Variants in KCNN2 observed in about 807,000 individuals in gnomAD.
KCNN2 encodes the protein small conductance calcium-activated potassium channel protein 2.
KCNN2 carries 24 observed loss-of-function variants against 55.5 expected under a neutral mutation model. The observed-to-expected ratio is 0.43, with a 90% CI of 0.31 to 0.61. The LOEUF (loss-of-function observed/expected upper bound fraction) is 0.61, where lower values mean the gene tolerates loss of function less well. KCNN2 is among the 20% of genes least tolerant of loss of function. The probability of loss-of-function intolerance (pLI) is 0.08; values close to 1 mark genes in which losing one functional copy is unlikely to be tolerated. For missense variants in KCNN2, 754 were observed against 853.6 expected, an observed-to-expected ratio of 0.88 and a Z score of 1.45; for synonymous variants, 431 against 336.1, an observed-to-expected ratio of 1.28 and a Z score of -3.09.
chr5:114,471,674 G>A (rs189210134), intron 4 of KCNN2, among the ~76,000 whole-genome samples: 1 of 152,208 alleles, frequency 6.6e-6, no homozygotes, highest in East Asian at 1.9e-4. Context: ...TAAATACTTG[G>A]CAACCTCTTT....
chr5:114,342,524 A>C (rs1164717588), intron 2 of KCNN2, among the ~76,000 whole-genome samples: 1 of 152,190 alleles, frequency 6.6e-6, no homozygotes, highest in Non-Finnish European at 1.5e-5. Context: ...TAGACTTTAG[A>C]TCACCAACAT....
intron 1 of KCNN2, among the ~76,000 whole-genome samples, chr5:114,166,063 A>G (rs933382363): frequency 6.6e-6 from 1 of 151,826 alleles, no homozygotes; most frequent in African/African-American, 2.4e-5. Context: ...TTTTTTTATT[A>G]TTATTTTTAG....
intron 2 of KCNN2, among the ~76,000 whole-genome samples, chr5:114,272,222 T>C (rs550615050): frequency 1.3e-5 from 2 of 152,140 alleles, no homozygotes; most frequent in South Asian, 2.1e-4. Flanking sequence ...TACACTTATC[T>C]ATGTGTGTAT....
At chr5:114,119,834 C>T (rs887695559) in intron 1 of KCNN2, among the ~76,000 whole-genome samples, 3 of 152,040 alleles carry the variant, frequency 2.0e-5, no homozygotes, top group Non-Finnish European at 4.4e-5. Context: ...TGACTATCTG[C>T]GTGGCTATGC....
intron 3 of KCNN2, among the ~76,000 whole-genome samples, chr5:114,460,958 T>C (rs571476758): frequency 1.5e-4 from 23 of 152,344 alleles, no homozygotes; most frequent in South Asian, 4.1e-4. Context: ...ATTCTTACGA[T>C]AGGGTAATGT....
At chr5:114,165,972 G>A (rs960722119) in intron 1 of KCNN2, among the ~76,000 whole-genome samples, 3 of 151,976 alleles carry the variant, frequency 2.0e-5, no homozygotes, top group Non-Finnish European at 2.9e-5. Context: ...GACTTTGCTA[G>A]TTGATAAGAA....
intron 4 of KCNN2, among the ~76,000 whole-genome samples, chr5:114,472,538 G>A (rs1342079077): frequency 2.5e-5 from 2 of 81,122 alleles, no homozygotes; most frequent in African/African-American, 7.7e-5. Flanking sequence ...TTCCTCTTGT[G>A]TGTGTGGAAC....
At chr5:114,369,178 C>G (rs2150049691) in intron 2 of KCNN2, among the ~76,000 whole-genome samples, 1 of 152,276 alleles carries the variant, frequency 6.6e-6, no homozygotes, top group East Asian at 1.9e-4. Flanking sequence ...TATTCCTCCA[C>G]AGCATTGTGA....
At chr5:114,219,227 T>C (rs1182781336) in intron 1 of KCNN2, among the ~76,000 whole-genome samples, 2 of 152,058 alleles carry the variant, frequency 1.3e-5, no homozygotes, top group Non-Finnish European at 2.9e-5. Context: ...CTGACTTAAA[T>C]GTTAAAAGCT....
At chr5:114,437,995 GT>G (rs1221479534) in intron 3 of KCNN2, among the ~76,000 whole-genome samples, 2 of 149,092 alleles carry the variant, frequency 1.3e-5, no homozygotes. Context: ...GTTGTGACCA[GT>G]TAAAACACAA....
intron 2 of KCNN2, among the ~76,000 whole-genome samples, chr5:114,289,030 C>T (rs1050212054): frequency 9.2e-5 from 14 of 152,076 alleles, no homozygotes; most frequent in African/African-American, 3.4e-4. Flanking sequence ...GTGCAGATGG[C>T]GTAGAGGCAC....
intron 3 of KCNN2, among the ~76,000 whole-genome samples, chr5:114,439,116 C>G: frequency 6.6e-6 from 1 of 152,076 alleles, no homozygotes; most frequent in South Asian, 2.1e-4. Flanking sequence ...TAACCTTTTG[C>G]GTAACATCTA....
chr5:114,256,253 A>G (rs530223618), intron 2 of KCNN2, among the ~76,000 whole-genome samples: 1 of 152,194 alleles, frequency 6.6e-6, no homozygotes, highest in South Asian at 2.1e-4. Context: ...ACATATACAT[A>G]CACATTTTCT....
intron 6 of KCNN2, 140 bp from the exon 7 acceptor site, chr5:114,493,263 C>A (rs1414437350): frequency 1.4e-6 from 1 of 725,372 alleles, no homozygotes; most frequent in Non-Finnish European, 2.6e-6. Flanking sequence ...AGACACATAA[C>A]CAGTTTGGAC....
chr5:114,125,147 A>C (rs1395142541), intron 1 of KCNN2, among the ~76,000 whole-genome samples: 1 of 151,988 alleles, frequency 6.6e-6, no homozygotes, highest in Non-Finnish European at 1.5e-5. Context: ...TTATAATAGA[A>C]TATGTTAAAC....
At position 114,152,139 on chromosome 5, in the gene KCNN2, CATT is replaced by C. The variant is rs528710855; in HGVS notation, c.-270-69338_-270-69336del. Among the ~76,000 whole-genome samples, 25 of 152,220 alleles carry C rather than the reference CATT, an allele frequency of 1.6e-4. No individual in the cohort carries two copies. The South Asian group carries it at 5.2e-3, about 32-fold the overall frequency. On this transcript the variant is annotated intron_variant, in intron 1 of 10. Transcript: ENST00000512097. ...CTTTGGCATAGCAATAAAAATGTCT[CATT>C]ATAGTTCCAATTACCATTTTTTTTT...
intron 3 of KCNN2, among the ~76,000 whole-genome samples, chr5:114,438,904 T>C (rs1474781291): frequency 1.3e-5 from 2 of 152,192 alleles, no homozygotes; most frequent in Admixed American, 6.5e-5. Context: ...CAGCAATGAG[T>C]GCGTTGGAAA....
At chr5:114,368,572 G>A (rs1291143027) in intron 2 of KCNN2, among the ~76,000 whole-genome samples, 6 of 152,132 alleles carry the variant, frequency 3.9e-5, no homozygotes, top group Non-Finnish European at 7.4e-5. Context: ...TGTTCCCTTT[G>A]CTACTTCTAC....
chr5:114,209,253 C>T (rs1367347344), intron 1 of KCNN2, among the ~76,000 whole-genome samples: 2 of 152,094 alleles, frequency 1.3e-5, no homozygotes, highest in South Asian at 2.1e-4. Flanking sequence ...GACTCTCCTG[C>T]TCCCTTGTCT....
Sources: allele counts gnomAD v4.1 joint callset (sites outside exome capture counted in the v4.1 genomes callset), GRCh38; gene constraint gnomAD v4.1.1; transcripts MANE v1.5; gene names NCBI Gene and HGNC (gene_info 2026-07-23, HGNC 2026-07-21).